The following CCDC149 variants were observed in gnomAD, a reference collection of about 807,000 sequenced individuals.
The protein encoded by CCDC149 is coiled-coil domain containing 149, also known as coiled-coil domain-containing protein 149.
In CCDC149, 45 loss-of-function variants were observed where a neutral mutation model predicts 59.9. The observed-to-expected ratio is 0.75, with a 90% CI of 0.59 to 0.96. The LOEUF (loss-of-function observed/expected upper bound fraction) is 0.96. CCDC149 is among the 40% of genes least tolerant of loss of function. The probability of loss-of-function intolerance (pLI) is 0.00; values close to 1 mark genes in which losing one functional copy is unlikely to be tolerated. For missense variants in CCDC149, 584 were observed against 664.7 expected, an observed-to-expected ratio of 0.88 and a Z score of 1.33; for synonymous variants, 245 against 260.6, an observed-to-expected ratio of 0.94 and a Z score of 0.58.
intron 3 of CCDC149, among the ~76,000 whole-genome samples, chr4:24,854,856 C>T (rs1373888671): frequency 6.6e-6 from 1 of 152,156 alleles, no homozygotes; most frequent in Non-Finnish European, 1.5e-5. Flanking sequence ...TTAGAATGCT[C>T]TCCCTCCAGA....
chr4:24,873,274 G>A (rs1719170520), intron 3 of CCDC149, among the ~76,000 whole-genome samples: 2 of 152,026 alleles, frequency 1.3e-5, no homozygotes, highest in Non-Finnish European at 2.9e-5. Context: ...CAAGTGGTAT[G>A]TGTCCACTGA....
intron 1 of CCDC149, among the ~76,000 whole-genome samples, chr4:24,919,729 A>G (rs1045981634): frequency 9.2e-5 from 14 of 152,200 alleles, no homozygotes; most frequent in African/African-American, 2.9e-4. Context: ...CAAGCATAAC[A>G]CCTTAACCTT....
chr4:24,859,185 T>C (rs1211483409), intron 3 of CCDC149, among the ~76,000 whole-genome samples: 3 of 152,364 alleles, frequency 2.0e-5, no homozygotes, highest in African/African-American at 7.2e-5. Flanking sequence ...TTTTTTGGTT[T>C]CAGTACGGTA....
chr4:24,839,969 A>T (rs1173436316), intron 4 of CCDC149, among the ~76,000 whole-genome samples: 1 of 152,198 alleles, frequency 6.6e-6, no homozygotes, highest in Non-Finnish European at 1.5e-5. Flanking sequence ...TCCTGCATGA[A>T]TCTTAAGGGA....
chr4:24,810,648 C>T (rs564314341), intron 12 of CCDC149, among the ~76,000 whole-genome samples: 35 of 152,280 alleles, frequency 2.3e-4, no homozygotes, highest in African/African-American at 8.4e-4. Context: ...CATTTGAATG[C>T]ACCACAATTT....
At chr4:24,861,739 G>A (rs945607180) in intron 3 of CCDC149, among the ~76,000 whole-genome samples, 7 of 152,102 alleles carry the variant, frequency 4.6e-5, no homozygotes, top group Admixed American at 3.3e-4. Context: ...TTCAATGATC[G>A]AATATTTGAC....
intron 1 of CCDC149, among the ~76,000 whole-genome samples, chr4:24,955,580 G>A (rs1055729290): frequency 7.2e-5 from 11 of 152,140 alleles, no homozygotes; most frequent in African/African-American, 2.7e-4. Flanking sequence ...GATGAACCTT[G>A]AGAATATTAT....
At chr4:24,914,385 G>A (rs1161479585), upstream of CCDC149, among the ~76,000 whole-genome samples, 99 of 120,144 alleles carry the variant, frequency 8.2e-4, no homozygotes, top group East Asian at 3.3e-3. Context: ...TGTGTTACCA[G>A]AAAAAAAAAA....
intron 1 of CCDC149, among the ~76,000 whole-genome samples, chr4:24,920,933 C>T (rs1276789067): frequency 6.6e-6 from 1 of 152,020 alleles, no homozygotes; most frequent in Admixed American, 6.5e-5. Flanking sequence ...TGTATGAGAA[C>T]ATCTAGCATG....
At chr4:24,892,399 A>G (rs2109287968) in intron 1 of CCDC149, among the ~76,000 whole-genome samples, 1 of 151,366 alleles carries the variant, frequency 6.6e-6, no homozygotes, top group East Asian at 1.9e-4. Flanking sequence ...GCTGCCATTT[A>G]CTTACAGCTT....
At chr4:24,830,047 C>T (rs1716037405) in intron 9 of CCDC149, 1 of 152,696 alleles carries the variant, frequency 6.5e-6, no homozygotes. Context: ...TCCCATGGAC[C>T]AACAAGATGG....
intron 12 of CCDC149, among the ~76,000 whole-genome samples, chr4:24,811,514 C>G (rs1714602302): frequency 6.6e-6 from 1 of 152,192 alleles, no homozygotes; most frequent in South Asian, 2.1e-4. Flanking sequence ...GTAACAACCA[C>G]AAACGTAGTG....
At chr4:24,946,497 A>G (rs942853019) in intron 1 of CCDC149, among the ~76,000 whole-genome samples, 3 of 152,182 alleles carry the variant, frequency 2.0e-5, no homozygotes, top group African/African-American at 7.2e-5. Flanking sequence ...TTTTTTTCCT[A>G]ATTATAAAAG....
At chr4:24,868,329 C>T (rs1718822124) in intron 3 of CCDC149, among the ~76,000 whole-genome samples, 1 of 152,144 alleles carries the variant, frequency 6.6e-6, no homozygotes, top group Non-Finnish European at 1.5e-5. Context: ...TTACCACCTA[C>T]CCTAAAACCA....
intron 1 of CCDC149, among the ~76,000 whole-genome samples, chr4:24,906,817 T>C (rs1386591571): frequency 5.3e-5 from 8 of 152,096 alleles, no homozygotes; most frequent in Admixed American, 5.2e-4. Flanking sequence ...GTAGCATGGA[T>C]GTGGTGCAGA....
chr4:24,874,240 A>ATTTTTTT (rs1560230340), intron 2 of CCDC149, among the ~76,000 whole-genome samples: 4 of 85,688 alleles, frequency 4.7e-5, no homozygotes, highest in African/African-American at 2.3e-4. Flanking sequence ...GTCCTATTAG[A>ATTTTTTT]TTTGTTTTTT....
chr4:24,869,254 T>C (rs574381152), intron 3 of CCDC149, among the ~76,000 whole-genome samples: 4 of 152,318 alleles, frequency 2.6e-5, no homozygotes, highest in African/African-American at 9.6e-5. Flanking sequence ...AGCAGCCTTC[T>C]TCCAGCGGCC....
At chr4:24,951,171 G>A (rs1011650581) in intron 1 of CCDC149, among the ~76,000 whole-genome samples, 2 of 152,244 alleles carry the variant, frequency 1.3e-5, no homozygotes, top group African/African-American at 2.4e-5. Flanking sequence ...GCAAGTGACA[G>A]ATCCCATGCA....
At chr4:24,854,545 G>T (rs1717882995) in intron 3 of CCDC149, among the ~76,000 whole-genome samples, 2 of 152,156 alleles carry the variant, frequency 1.3e-5, no homozygotes, top group African/African-American at 2.4e-5. Context: ...ATCCCTTCCT[G>T]CTGCAGCTGA....
Sources: gnomAD v4.1 joint callset for allele counts (sites outside exome capture counted in the v4.1 genomes callset) on GRCh38, gnomAD v4.1.1 for gene constraint, MANE v1.5 for transcripts, NCBI Gene and HGNC (gene_info 2026-07-23, HGNC 2026-07-21) for gene names.